Variants in CDH13 observed in about 807,000 individuals in gnomAD.
CDH13 encodes cadherin 13.
In CDH13, 24 loss-of-function variants were observed where a neutral mutation model predicts 63.8. The observed-to-expected ratio is 0.38, with a 90% CI of 0.27 to 0.53. CDH13 has a LOEUF of 0.53. Among genes scored for constraint, CDH13 ranks in the 20% least tolerant of loss-of-function variants. The pLI is 0.85. For synonymous variants in CDH13, 503 were observed against 355.3 expected (o/e 1.42, Z -4.67); for missense variants, 1,049 against 903.1 (o/e 1.16, Z -2.07).
intron 11 of CDH13, among the ~76,000 whole-genome samples, chr16:83,771,083 T>C (rs943078181): frequency 6.6e-6 from 1 of 152,196 alleles, no homozygotes; most frequent in African/African-American, 2.4e-5. Flanking sequence ...TAGACCCCCA[T>C]GTGCTCAAAG....
At chr16:82,961,572 T>TAAAAAAAA (rs71376305) in intron 2 of CDH13, among the ~76,000 whole-genome samples, 7 of 103,378 alleles carry the variant, frequency 6.8e-5, no homozygotes, top group African/African-American at 2.8e-4. Context: ...GCAGGGGACT[T>TAAAAAAAA]AAAAAAAAAA....
At chr16:83,764,529 G>A (rs1478141970) in intron 11 of CDH13, among the ~76,000 whole-genome samples, 1 of 152,052 alleles carries the variant, frequency 6.6e-6, no homozygotes, top group African/African-American at 2.4e-5. Context: ...GTCCCCCACT[G>A]GAGTCCCCCT....
At chr16:82,891,098 T>C (rs1359447846) in intron 2 of CDH13, among the ~76,000 whole-genome samples, 1 of 151,774 alleles carries the variant, frequency 6.6e-6, no homozygotes, top group Non-Finnish European at 1.5e-5. Context: ...ATTCTTTTAT[T>C]ATCTCAGAAC....
At chr16:83,762,294 G>T (rs1914036271) in intron 11 of CDH13, among the ~76,000 whole-genome samples, 2 of 152,176 alleles carry the variant, frequency 1.3e-5, no homozygotes, top group South Asian at 4.2e-4. Context: ...CAGATTTTCT[G>T]AAAGGTCAAA....
intron 8 of CDH13, among the ~76,000 whole-genome samples, chr16:83,666,859 C>G (rs1914008366): frequency 6.6e-6 from 1 of 151,966 alleles, no homozygotes; most frequent in Non-Finnish European, 1.5e-5. Context: ...ACAGACTCCC[C>G]AAGAACTGTA....
chr16:83,051,423 C>G (rs1381168722), intron 3 of CDH13, among the ~76,000 whole-genome samples: 1 of 152,164 alleles, frequency 6.6e-6, no homozygotes, highest in African/African-American at 2.4e-5. Context: ...TATTATGTAA[C>G]AATGTATATT....
intron 6 of CDH13, among the ~76,000 whole-genome samples, chr16:83,443,689 A>G: frequency 1.4e-5 from 2 of 141,836 alleles, no homozygotes; most frequent in Admixed American, 7.2e-5. Context: ...TGGGCAACAG[A>G]GTGCGAAGTC....
At chr16:83,416,475 T>A (rs963424809) in intron 6 of CDH13, among the ~76,000 whole-genome samples, 3 of 152,208 alleles carry the variant, frequency 2.0e-5, no homozygotes, top group Admixed American at 6.5e-5. Flanking sequence ...CTGGGTCTTA[T>A]CTCTTCTTGT....
At chr16:83,273,667 T>A (rs2088894485) in intron 5 of CDH13, among the ~76,000 whole-genome samples, 1 of 152,204 alleles carries the variant, frequency 6.6e-6, no homozygotes, top group Non-Finnish European at 1.5e-5. Context: ...AAGGGGTACA[T>A]AAAAGTGAAG....
chr16:83,751,896 G>A (rs1164380030), intron 11 of CDH13, among the ~76,000 whole-genome samples: 8 of 152,214 alleles, frequency 5.3e-5, no homozygotes, highest in South Asian at 2.1e-4. Context: ...TTGAGATTAC[G>A]TCCCAGAAGA....
chr16:83,283,958 T>G (rs557129456), intron 5 of CDH13, among the ~76,000 whole-genome samples: 2 of 152,298 alleles, frequency 1.3e-5, no homozygotes, highest in East Asian at 3.9e-4. Context: ...TCTCAAAAAC[T>G]GTTGAATAAA....
chr16:82,978,320 C>T (rs115569729), intron 2 of CDH13, among the ~76,000 whole-genome samples: 168 of 152,330 alleles, frequency 1.1e-3, no homozygotes, highest in African/African-American at 3.8e-3. Flanking sequence ...AAATTCAAGG[C>T]TGTTGCAGAA....
chr16:82,812,981 G>A (rs2037522008), intron 1 of CDH13, among the ~76,000 whole-genome samples: 1 of 152,188 alleles, frequency 6.6e-6, no homozygotes, highest in Non-Finnish European at 1.5e-5. Context: ...AAACATAAGA[G>A]GGACCTGTTA....
chr16:82,860,375 G>T (rs2039887008), intron 2 of CDH13, among the ~76,000 whole-genome samples: 1 of 35,576 alleles, frequency 2.8e-5, no homozygotes, highest in African/African-American at 1.2e-4. Flanking sequence ...TATCACAGTT[G>T]TGTGTGTGTG....
At chr16:82,862,845 C>T (rs1217197358) in intron 2 of CDH13, among the ~76,000 whole-genome samples, 1 of 152,152 alleles carries the variant, frequency 6.6e-6, no homozygotes, top group Non-Finnish European at 1.5e-5. Flanking sequence ...CAGTGGTTGC[C>T]CTCCATGCAA....
In CDH13 at chr16:83,458,228, C is replaced by G. The variant is rs555261383; in HGVS notation, c.782-28249C>G. Among the ~76,000 whole-genome samples, 5 of 152,308 alleles carry G rather than the reference C, an allele frequency of 3.3e-5. No homozygotes were observed. The South Asian group carries it at 1.0e-3, about 32-fold the overall frequency. Reference sequence around the variant, plus strand: ...CTCAAGATCTGCTGTTTCTCCTGTACTTGACACCTGGTTCTTTGGGCTGTT... The same window carrying G: ...CTCAAGATCTGCTGTTTCTCCTGTAGTTGACACCTGGTTCTTTGGGCTGTT... On this transcript the variant is annotated intron_variant, in intron 6 of 13. Transcript: ENST00000567109.
chr16:83,566,258 A>G (rs6563934), intron 7 of CDH13, among the ~76,000 whole-genome samples: 151,078 of 152,212 alleles, frequency 0.99, 74,983 homozygotes, highest in Middle Eastern at 1. Context: ...AGCACCCACC[A>G]TTTGCTGGGA....
chr16:82,803,369 C>A (rs1307248646), intron 1 of CDH13, among the ~76,000 whole-genome samples: 2 of 152,140 alleles, frequency 1.3e-5, no homozygotes, highest in African/African-American at 4.8e-5. Flanking sequence ...CAGGAAGGGG[C>A]AGAGTGTTTT....
At chr16:83,006,985 ATG>A (rs1453170576) in intron 2 of CDH13, among the ~76,000 whole-genome samples, 1 of 150,098 alleles carries the variant, frequency 6.7e-6, no homozygotes, top group African/African-American at 2.5e-5. Context: ...GTGCAATGGC[ATG>A]ATCTCGGCTC....
Sources: gnomAD v4.1 joint callset for allele counts (sites outside exome capture counted in the v4.1 genomes callset) on GRCh38, gnomAD v4.1.1 for gene constraint, MANE v1.5 for transcripts, NCBI Gene and HGNC (gene_info 2026-07-23, HGNC 2026-07-21) for gene names.